CHRNA5: variants seen among roughly 807,000 people sequenced by gnomAD.
CHRNA5 encodes neuronal acetylcholine receptor subunit alpha-5.
A neutral mutation model predicts 41.2 loss-of-function variants in CHRNA5; 28 were observed. The ratio of observed to expected loss-of-function variants is 0.68; its 90% CI spans 0.50 to 0.93. The LOEUF is 0.93. CHRNA5 is among the 40% of genes least tolerant of loss of function. The probability of loss-of-function intolerance (pLI) is 0.00; values close to 1 mark genes in which losing one functional copy is unlikely to be tolerated. For synonymous variants in CHRNA5, 188 were observed against 205.8 expected (o/e 0.91, Z 0.74); for missense variants, 481 against 581.9 (o/e 0.83, Z 1.78).
At chr15:78,565,884 C>T in intron 1 of CHRNA5, 59 bp downstream of exon 1, 1 of 1,058,936 alleles carries the variant, frequency 9.4e-7, no homozygotes, top group Non-Finnish European at 1.2e-6. Flanking sequence ...CATCGCGGTG[C>T]CCAGGAAGCC....
chr15:78,590,424 CAT>C lies in CHRNA5; in HGVS notation c.1035_1036del (p.His345GlnfsTer36), dbSNP rs1268123651. 1 of 1,614,218 alleles carries C rather than the reference CAT, an allele frequency of 6.2e-7. No homozygotes were observed. Among genetic ancestry groups the C allele is most frequent in the Non-Finnish European group, 8.5e-7 (1 of 1,180,052 alleles). ...CATTCATCATCGTTCTTCCTCAACA[CAT>C]AATGCCATGGCGCCTTTGGTCCGCA... On this transcript the variant is annotated frameshift_variant, in exon 5 of 6. Coordinates refer to ENST00000299565, the Ensembl canonical transcript of CHRNA5. LOFTEE classifies it high-confidence loss of function.
chr15:78,582,128 T>A (rs1362901622), intron 2 of CHRNA5, among the ~76,000 whole-genome samples: 3 of 152,296 alleles, frequency 2.0e-5, no homozygotes, highest in Non-Finnish European at 4.4e-5. Flanking sequence ...ATATGTGGAC[T>A]GTGTGTGCTC....
intron 1 of CHRNA5, among the ~76,000 whole-genome samples, chr15:78,570,424 A>ATTTTGTTTTTTT: frequency 1.6e-5 from 1 of 64,184 alleles, no homozygotes; most frequent in Admixed American, 2.5e-4. Flanking sequence ...AATCCCGGCT[A>ATTTTGTTTTTTT]TTTTTTTTTT....
At position 78,588,880 on chromosome 15, in the gene CHRNA5, G is replaced by C. The variant is rs888366469; in HGVS notation, c.413+457G>C. Among the ~76,000 whole-genome samples, 1 of 106,528 alleles carries C rather than the reference G, an allele frequency of 9.4e-6. No homozygotes were observed. Among genetic ancestry groups the C allele is most frequent in the Admixed American group, 1.2e-4 (1 of 8,282 alleles). The allele number at this position is 106,528 out of a possible 152,430, so 69.9% of individuals were successfully genotyped here. A position where few individuals can be genotyped will look rare whatever the true frequency, so the allele number is the denominator to read the frequency against. The stretch of plus-strand genomic sequence containing the variant: ...GAGGCATCCTACCTAGGTGTGTTTT[G>C]AGGATTTTTTTTTTTTTAACTTAGG... On this transcript the variant is annotated intron_variant, in intron 4 of 5. Coordinates refer to ENST00000299565, the Ensembl canonical transcript of CHRNA5. The surrounding 1 kb of genome is among the most constrained non-coding windows in gnomAD (Gnocchi z 4.1).
intron 2 of CHRNA5, 54 bp downstream of exon 2, chr15:78,581,016 G>GGT: frequency 6.4e-7 from 1 of 1,562,974 alleles, no homozygotes; most frequent in African/African-American, 1.3e-5. Flanking sequence ...GTGAGAGCCT[G>GGT]GTGTGTGCCC....
intron 2 of CHRNA5, among the ~76,000 whole-genome samples, chr15:78,583,643 C>T (rs988106118): frequency 6.6e-6 from 1 of 150,868 alleles, no homozygotes; most frequent in South Asian, 2.1e-4. Context: ...TGCAGTGAGC[C>T]GAGATTGCGC....
At chr15:78,580,054 C>CAGAT (rs2052896454) in intron 1 of CHRNA5, among the ~76,000 whole-genome samples, 2 of 151,860 alleles carry the variant, frequency 1.3e-5, no homozygotes, top group Admixed American at 1.3e-4. Flanking sequence ...CTGAGGCGGG[C>CAGAT]AGATTGCTGA....
intron 1 of CHRNA5, among the ~76,000 whole-genome samples, chr15:78,574,093 G>A (rs923315705): frequency 1.1e-4 from 17 of 150,486 alleles, no homozygotes; most frequent in East Asian, 7.9e-4. Flanking sequence ...GATTACAGGC[G>A]TGAGCCACCG....
At chr15:78,589,571 A>G in intron 4 of CHRNA5, 1 of 416,034 alleles carries the variant, frequency 2.4e-6, no homozygotes, top group Non-Finnish European at 4.2e-6. Context: ...AAAATTTGTC[A>G]GTTCTGGAGT....
intron 1 of CHRNA5, among the ~76,000 whole-genome samples, chr15:78,572,326 GAAATAACC>G (rs1201454951): frequency 6.6e-6 from 1 of 152,038 alleles, no homozygotes; most frequent in Admixed American, 6.6e-5. Context: ...AACATTATTA[GAAATAACC>G]AAAAACTGAA....
At chr15:78,581,757 T>C (rs575883050) in intron 2 of CHRNA5, among the ~76,000 whole-genome samples, 1 of 152,318 alleles carries the variant, frequency 6.6e-6, no homozygotes, top group East Asian at 1.9e-4. Context: ...AATAATTAGT[T>C]GTGTTTCTTG....
intron 1 of CHRNA5, among the ~76,000 whole-genome samples, chr15:78,571,965 G>C (rs990476828): frequency 2.6e-5 from 4 of 151,800 alleles, no homozygotes; most frequent in African/African-American, 9.7e-5. Flanking sequence ...AGCCCTCCTA[G>C]GACTGCTGCA....
intron 1 of CHRNA5, among the ~76,000 whole-genome samples, chr15:78,577,378 G>A (rs551576608): frequency 5.9e-5 from 9 of 152,300 alleles, no homozygotes; most frequent in African/African-American, 2.2e-4. Flanking sequence ...GAATTTAAGT[G>A]CACTATCAAG....
Position 78,592,932 on chromosome 15 carries a change from C to T in CHRNA5, c.1246-160C>T, listed in dbSNP as rs1379807792. ...CTTATATCTATAGTAGACCTTCAGG[C>T]TAGTGTCTGTCCCTGAGCTGAGTAT... On this transcript the variant is annotated intron_variant, in intron 5 of 5. Transcript: ENST00000299565. 1.7e-5 allele frequency: 12 copies of T among 688,426 alleles called. No homozygotes were observed. In the Middle Eastern group the frequency reaches 1.2e-3, roughly 72 times the overall value. 42.6% of individuals were successfully genotyped at this position (688,426 alleles called of 1,614,324 possible). A position where few individuals can be genotyped will look rare whatever the true frequency, so the allele number is the denominator to read the frequency against.
intron 1 of CHRNA5, among the ~76,000 whole-genome samples, chr15:78,572,894 C>T (rs2052819463): frequency 6.6e-6 from 1 of 152,146 alleles, no homozygotes. Context: ...TTAATGGTTA[C>T]CCTTGGAAGG....
chr15:78,590,650 A>G lies in CHRNA5; in HGVS notation c.1245+14A>G. ...GATGTCCGTGAGGTCTGTGATGTGT[A>G]TTTACAAATGCAGATCTTCTTCCAT... On this transcript the variant is annotated intron_variant, in intron 5 of 5. Transcript: ENST00000299565. 6.3e-7 allele frequency: 1 copy of G among 1,576,568 alleles called. No homozygotes were observed.
At chr15:78,570,436 T>TTTTTTTTTTTTTTTTTTTTC (rs2052792572) in intron 1 of CHRNA5, among the ~76,000 whole-genome samples, 1 of 138,696 alleles carries the variant, frequency 7.2e-6, no homozygotes, top group Non-Finnish European at 1.5e-5. Context: ...TTTTTTTTTT[T>TTTTTTTTTTTTTTTTTTTTC]TTTTTTTTTT....
At chr15:78,593,304 T>C in exon 6 of CHRNA5, 1 of 1,488,714 alleles carries the variant, frequency 6.7e-7, no homozygotes, top group Non-Finnish European at 9.0e-7. Flanking sequence ...ATATATCTGA[T>C]GGCACCTATA....
intron 1 of CHRNA5, among the ~76,000 whole-genome samples, chr15:78,572,748 C>T (rs1279496286): frequency 6.6e-6 from 1 of 152,148 alleles, no homozygotes; most frequent in Non-Finnish European, 1.5e-5. Context: ...TCCCAAAGTG[C>T]TGGGATTACA....
Sources: allele counts gnomAD v4.1 joint callset (sites outside exome capture counted in the v4.1 genomes callset), GRCh38; gene constraint gnomAD v4.1.1; non-coding constraint Gnocchi (gnomAD v3.1); transcripts MANE v1.5; gene names NCBI Gene and HGNC (gene_info 2026-07-23, HGNC 2026-07-21).